Variants in ADAM10 observed in about 807,000 individuals in gnomAD.
ADAM10 encodes disintegrin and metalloproteinase domain-containing protein 10.
A neutral mutation model predicts 90.1 loss-of-function variants in ADAM10; 17 were observed. The ratio of observed to expected loss-of-function variants is 0.19; its 90% confidence interval spans 0.13 to 0.28. ADAM10 has a LOEUF of 0.28. Ranked by LOEUF, ADAM10 falls within the 10% of genes least tolerant of loss-of-function variation. ADAM10 has a pLI of 1.00. For missense variants in ADAM10, 610 were observed against 914.3 expected, an observed-to-expected ratio of 0.67 and a Z score of 4.29; for synonymous variants, 310 against 298.6, an observed-to-expected ratio of 1.04 and a Z score of -0.40.
chr15:58,721,969 G>A (rs28549001), intron 1 of ADAM10, among the ~76,000 whole-genome samples: 29,026 of 151,770 alleles, frequency 0.19, 3,178 homozygotes, highest in South Asian at 0.32. Flanking sequence ...CGAAGGTTAC[G>A]GTGAGCCAAA....
At chr15:58,676,389 G>A in intron 4 of ADAM10, 2 of 436,160 alleles carry the variant, frequency 4.6e-6, no homozygotes, top group South Asian at 3.3e-5. Context: ...ACACTGTCAG[G>A]TATATATTAA....
At chr15:58,598,613 C>T (rs567380348) in intron 15 of ADAM10, among the ~76,000 whole-genome samples, 7 of 152,286 alleles carry the variant, frequency 4.6e-5, no homozygotes, top group Middle Eastern at 3.4e-3. Flanking sequence ...AGTCTGAGAG[C>T]GGCAGGAGAG....
intron 2 of ADAM10, among the ~76,000 whole-genome samples, chr15:58,685,086 T>C (rs1897551287): frequency 6.6e-6 from 1 of 150,888 alleles, no homozygotes; most frequent in Non-Finnish European, 1.5e-5. Flanking sequence ...CATATAACTG[T>C]ATACTACAAA....
At chr15:58,617,810 GAGTA>G (rs1289742427) in intron 11 of ADAM10, among the ~76,000 whole-genome samples, 1 of 150,338 alleles carries the variant, frequency 6.7e-6, no homozygotes, top group Non-Finnish European at 1.5e-5. Context: ...GCAAAAAAAA[GAGTA>G]AGTTTAATAA....
chr15:58,612,029 C>T, intron 11 of ADAM10, 38 bp from the exon 12 acceptor site: 2 of 1,572,506 alleles, frequency 1.3e-6, no homozygotes. Flanking sequence ...AAGTAAATCA[C>T]TAGTTATTCC....
chr15:58,718,536 T>C lies in ADAM10; in HGVS notation c.56-809A>G, dbSNP rs144995063. 3.7e-3 allele frequency among the ~76,000 whole-genome samples: 561 copies of C among 152,334 alleles called. 20 individuals are homozygous for C. The highest frequency in any genetic ancestry group is 0.03 in the Admixed American group (457 of 15,304). On this transcript the variant is annotated intron_variant, in intron 1 of 15. Coordinates refer to ENST00000260408, the MANE Select transcript of ADAM10 (RefSeq NM_001110.4). ...ATTCTCTGGACAAATTTATGTAGAA[T>C]GAGTGCTCAGTCTGGGGCTAATTAT...
chr15:58,747,696 A>C (rs1335983652), intron 1 of ADAM10: 1 of 152,210 alleles, frequency 6.6e-6, no homozygotes, highest in African/African-American at 2.4e-5. Flanking sequence ...AACACCAAAA[A>C]TTAGCCTTTT....
intron 4 of ADAM10, among the ~76,000 whole-genome samples, chr15:58,669,383 G>A (rs755117145): frequency 6.6e-6 from 1 of 152,076 alleles, no homozygotes; most frequent in Non-Finnish European, 1.5e-5. Flanking sequence ...CAAAAGATAG[G>A]GAAGACTTAT....
At chr15:58,729,496 C>T (rs900068321) in intron 1 of ADAM10, among the ~76,000 whole-genome samples, 2 of 152,172 alleles carry the variant, frequency 1.3e-5, no homozygotes, top group Admixed American at 6.5e-5. Context: ...AGGCTCTACC[C>T]CAGACTACCC....
chr15:58,725,331 A>G (rs1898994242), intron 1 of ADAM10, among the ~76,000 whole-genome samples: 1 of 151,630 alleles, frequency 6.6e-6, no homozygotes, highest in South Asian at 2.1e-4. Context: ...AAGAAGTTCA[A>G]GATCAGCTGG....
At chr15:58,731,299 T>C (rs1771075026) in intron 1 of ADAM10, among the ~76,000 whole-genome samples, 1 of 152,078 alleles carries the variant, frequency 6.6e-6, no homozygotes, top group African/African-American at 2.4e-5. Context: ...TATTAAGTAT[T>C]ATAAGAAATC....
chr15:58,687,046 T>A (rs376335404), intron 2 of ADAM10, among the ~76,000 whole-genome samples: 1 of 152,260 alleles, frequency 6.6e-6, no homozygotes, highest in East Asian at 1.9e-4. Flanking sequence ...CTGGAAGATA[T>A]TTATACCATA....
chr15:58,638,841 C>A (rs1896341738), intron 8 of ADAM10, among the ~76,000 whole-genome samples: 1 of 152,018 alleles, frequency 6.6e-6, no homozygotes, highest in Non-Finnish European at 1.5e-5. Context: ...TATACCTCAT[C>A]AGTACTCCTC....
chr15:58,670,198 TAA>T (rs1183085703), intron 4 of ADAM10, among the ~76,000 whole-genome samples: 3 of 143,608 alleles, frequency 2.1e-5, no homozygotes, highest in Admixed American at 7.0e-5. Context: ...AATCCTGTAT[TAA>T]AAAAAAAAAA....
chr15:58,659,574 GT>G, intron 5 of ADAM10, among the ~76,000 whole-genome samples: 1 of 152,032 alleles, frequency 6.6e-6, no homozygotes, highest in African/African-American at 2.4e-5. Context: ...AGCATAATGT[GT>G]TTTTTTATAT....
chr15:58,691,037 C>A (rs562638968), intron 2 of ADAM10: 17 of 552,794 alleles, frequency 3.1e-5, no homozygotes, highest in Admixed American at 1.6e-4. Context: ...TTTTAGCCAT[C>A]ATATAACCCA....
intron 7 of ADAM10, among the ~76,000 whole-genome samples, chr15:58,641,267 T>G (rs552243393): frequency 6.5e-4 from 99 of 152,342 alleles, no homozygotes; most frequent in African/African-American, 2.2e-3. Context: ...AGTTTTGCTT[T>G]CAAAACCTTT....
chr15:58,702,693 C>A (rs1410514713), intron 2 of ADAM10, among the ~76,000 whole-genome samples: 1 of 152,158 alleles, frequency 6.6e-6, no homozygotes, highest in African/African-American at 2.4e-5. Context: ...CATATAAAAT[C>A]AGTTCTCAAG....
At chr15:58,732,168 A>G in intron 1 of ADAM10, 1 of 152,498 alleles carries the variant, frequency 6.6e-6, no homozygotes, top group Non-Finnish European at 1.5e-5. Context: ...CACTGGACAA[A>G]GGGGCTGCAA....
Sources: allele counts gnomAD v4.1 joint callset (sites outside exome capture counted in the v4.1 genomes callset), GRCh38; gene constraint gnomAD v4.1.1; transcripts MANE v1.5; gene names NCBI Gene and HGNC (gene_info 2026-07-23, HGNC 2026-07-21).